Variants in ATAT1 observed in about 807,000 individuals in gnomAD.
ATAT1 encodes alpha tubulin acetyltransferase 1, also known as alpha-tubulin N-acetyltransferase 1.
Under a neutral mutation model 57.2 loss-of-function variants are expected in ATAT1, and 42 were observed. The observed-to-expected ratio is 0.73, with a 90% CI of 0.57 to 0.95. The LOEUF (loss-of-function observed/expected upper bound fraction) is 0.95, where lower values mean the gene tolerates loss of function less well. Among genes scored for constraint, ATAT1 ranks in the 40% least tolerant of loss-of-function variants. The pLI is 0.00. For synonymous variants in ATAT1, 168 were observed against 187.1 expected (o/e 0.90, Z 0.83); for missense variants, 454 against 523.7 (o/e 0.87, Z 1.30).
rs773843187 is a variant in ATAT1, at chr6:30,627,930, TAGG to T, written c.285+22_285+24del. ...TGTACTGGTGAGTGTTATTGGATGC[TAGG>T]AGTTCGTATACCTTGGTTTCTGAGA... On this transcript the variant is annotated intron_variant, in intron 4 of 12. Transcript: ENST00000330083. 4 of 1,612,502 alleles carry T rather than the reference TAGG, an allele frequency of 2.5e-6. No individual in the cohort carries two copies. The highest frequency in any genetic ancestry group is 3.4e-6 in the Non-Finnish European group (4 of 1,179,530).
intron 10 of ATAT1, chr6:30,644,585 C>T (rs944765035): frequency 9.1e-6 from 9 of 985,314 alleles, no homozygotes; most frequent in Non-Finnish European, 1.1e-5. Context: ...TCACTCTTCC[C>T]TTTTCTTCTC....
chr6:30,636,511 A>G (rs1361930573), intron 6 of ATAT1, among the ~76,000 whole-genome samples: 4 of 152,026 alleles, frequency 2.6e-5, no homozygotes, highest in Non-Finnish European at 4.4e-5. Context: ...GCGTGAACCC[A>G]GGAGGCGGAG....
chr6:30,638,479 G>A (rs1208398759), intron 6 of ATAT1, among the ~76,000 whole-genome samples: 3 of 151,580 alleles, frequency 2.0e-5, no homozygotes, highest in African/African-American at 7.3e-5. Flanking sequence ...TTTTAGTAGA[G>A]ACAGGGTCTC....
intron 6 of ATAT1, among the ~76,000 whole-genome samples, chr6:30,638,442 G>A (rs1055045731): frequency 1.3e-5 from 2 of 151,644 alleles, no homozygotes; most frequent in South Asian, 2.1e-4. Flanking sequence ...ACAGGCGCAC[G>A]TCACCACACC....
At position 30,627,635 on chromosome 6, in the gene ATAT1, G is replaced by A; in HGVS notation, c.133-1G>A. The A allele has an allele frequency of 6.2e-7, 1 of 1,613,004 alleles. No individual in the cohort carries two copies. The highest frequency in any genetic ancestry group is 2.2e-5 in the East Asian group (1 of 44,886). Reference sequence around the variant, plus strand: ...AAAGTCTGACTTAATCTTCCCTGCAGGCCCAGAATCTTTCCGCTCCTATCA... The same window carrying A: ...AAAGTCTGACTTAATCTTCCCTGCAAGCCCAGAATCTTTCCGCTCCTATCA... On this transcript the variant is annotated splice_acceptor_variant, in intron 2 of 12. Transcript: ENST00000330083. LOFTEE classifies it high-confidence loss of function.
At chr6:30,632,429 G>A (rs1007719555) in intron 6 of ATAT1, among the ~76,000 whole-genome samples, 1 of 151,452 alleles carries the variant, frequency 6.6e-6, no homozygotes, top group African/African-American at 2.4e-5. Context: ...AAAATTAGCC[G>A]GGTGTGGTGG....
chr6:30,631,135 T>C (rs777514835), intron 6 of ATAT1, among the ~76,000 whole-genome samples: 7 of 151,910 alleles, frequency 4.6e-5, no homozygotes, highest in African/African-American at 7.3e-5. Context: ...GATTGCAGGT[T>C]GAAAGGGGAT....
intron 6 of ATAT1, among the ~76,000 whole-genome samples, chr6:30,633,197 C>T (rs1763291916): frequency 6.6e-6 from 1 of 152,132 alleles, no homozygotes. Flanking sequence ...GTTGCTTTAA[C>T]TGAGATGGTA....
chr6:30,634,680 A>C (rs1265077393), intron 6 of ATAT1, among the ~76,000 whole-genome samples: 9 of 150,870 alleles, frequency 6.0e-5, no homozygotes, highest in East Asian at 5.8e-4. Flanking sequence ...AAAAAAAAAA[A>C]AAACCTTGTT....
At chr6:30,631,367 C>T (rs1270548482) in intron 6 of ATAT1, among the ~76,000 whole-genome samples, 8 of 151,766 alleles carry the variant, frequency 5.3e-5, no homozygotes, top group Non-Finnish European at 1.5e-5. Context: ...CCCAGCTACT[C>T]GGGAGGCTGA....
rs148795587 is a variant in ATAT1 at position 30,628,039 on chromosome 6, G to A, written c.293G>A (p.Arg98His). The A allele has an allele frequency of 1.9e-5, 31 of 1,612,794 alleles. No individual in the cohort carries two copies. The highest frequency in any genetic ancestry group is 2.3e-5 in the Non-Finnish European group (27 of 1,179,806). Residue 98 changes from arginine to histidine, a missense_variant, in exon 5 of 13, where the codon CGT (arginine) becomes CAT (histidine). Around this residue, in one of 3 missense-constraint regions of ATAT1, gnomAD observed 236 missense variants for 284.5 expected, o/e 0.83. Transcript: ENST00000330083. ...TTATTGTTTCTCTCTTAGGATGATCGTGAGGCTCATAATGAGGTAGAACCA... is the reference window on the plus strand; with the variant it reads ...TTATTGTTTCTCTCTTAGGATGATCATGAGGCTCATAATGAGGTAGAACCA...
chr6:30,637,674 T>G (rs1466354720), intron 6 of ATAT1, among the ~76,000 whole-genome samples: 1 of 148,540 alleles, frequency 6.7e-6, no homozygotes, highest in Admixed American at 6.7e-5. Context: ...CAGAGTGAGA[T>G]TCCATGTTAA....
At position 30,631,430 on chromosome 6, in the gene ATAT1, G is replaced by A. The variant is rs569518480; in HGVS notation, c.501+3000G>A. 1.4e-4 allele frequency among the ~76,000 whole-genome samples: 22 copies of A among 151,854 alleles called. No homozygotes were observed. The East Asian group carries it at 1.9e-3, about 13-fold the overall frequency. ...GCAGAGCTTGCAGTGAGCCGAGATCGCGCCACTGCACTCCAGCCTGGGTGA... is the reference window on the plus strand; with the variant it reads ...GCAGAGCTTGCAGTGAGCCGAGATCACGCCACTGCACTCCAGCCTGGGTGA... On this transcript the variant is annotated intron_variant, in intron 6 of 12. Transcript: ENST00000330083.
chr6:30,628,406 C>T lies in ATAT1; in HGVS notation c.477C>T (p.Tyr159=). ...TGCTGAAATTCCTGAATAAGCACTA[C>T]AATCTGGAGACCACAGTCCCACAGG... Residue 159 remains tyrosine (Y), a synonymous_variant, in exon 6 of 13, where the codon TAC becomes TAT. Transcript: ENST00000330083. The T allele has an allele frequency of 6.2e-7, 1 of 1,612,788 alleles. No homozygotes were observed. Among genetic ancestry groups the T allele is most frequent in the South Asian group, 1.1e-5 (1 of 91,086 alleles).
At chr6:30,630,112 A>G (rs1762532550) in intron 6 of ATAT1, among the ~76,000 whole-genome samples, 1 of 152,104 alleles carries the variant, frequency 6.6e-6, no homozygotes, top group South Asian at 2.1e-4. Flanking sequence ...ACTCAATGAA[A>G]CAGACAACAG....
intron 6 of ATAT1, among the ~76,000 whole-genome samples, chr6:30,637,749 G>A (rs571905737): frequency 9.2e-5 from 14 of 151,454 alleles, no homozygotes; most frequent in East Asian, 2.0e-4. Flanking sequence ...AGGCCAAGGC[G>A]GGCGGATCAC....
At chr6:30,631,297 C>G (rs1762817685) in intron 6 of ATAT1, among the ~76,000 whole-genome samples, 1 of 151,908 alleles carries the variant, frequency 6.6e-6, no homozygotes, top group Non-Finnish European at 1.5e-5. Context: ...TCCTGGCTAA[C>G]ATGGTGAAAC....
chr6:30,642,565 C>T (rs1324282294), intron 9 of ATAT1, among the ~76,000 whole-genome samples: 1 of 151,930 alleles, frequency 6.6e-6, no homozygotes, highest in African/African-American at 2.4e-5. Context: ...ATGGCTTGAA[C>T]CCAGGAGGCG....
chr6:30,646,434 T>C, intron 12 of ATAT1, 35 bp from the exon 13 acceptor site: 7 of 1,513,594 alleles, frequency 4.6e-6, no homozygotes, highest in Non-Finnish European at 6.2e-6. Flanking sequence ...TCTTTAGTAT[T>C]CCTATAACCC....
Sources: gnomAD v4.1 joint callset for allele counts (sites outside exome capture counted in the v4.1 genomes callset) on GRCh38, gnomAD v4.1.1 for gene constraint, gnomAD v4.1.1 regional missense constraint, MANE v1.5 for transcripts, NCBI Gene and HGNC (gene_info 2026-07-23, HGNC 2026-07-21) for gene names.